SORCS2: variants seen among roughly 807,000 people sequenced by gnomAD.
SORCS2 encodes VPS10 domain-containing receptor SorCS2.
In SORCS2, 100 loss-of-function variants were observed where a neutral mutation model predicts 141.6. The ratio of observed to expected loss-of-function variants is 0.71; its 90% CI spans 0.60 to 0.83. The LOEUF (loss-of-function observed/expected upper bound fraction) is 0.83, where lower values mean the gene tolerates loss of function less well. Among genes scored for constraint, SORCS2 ranks in the 40% least tolerant of loss-of-function variants. The pLI, the probability that SORCS2 is intolerant of heterozygous loss-of-function variation, is 0.00. For synonymous variants in SORCS2, 789 were observed against 676.9 expected (o/e 1.17, Z -2.57); for missense variants, 1,646 against 1,560.2 (o/e 1.05, Z -0.93).
chr4:7,350,329 C>G (rs550151762), intron 1 of SORCS2, among the ~76,000 whole-genome samples: 1 of 152,232 alleles, frequency 6.6e-6, no homozygotes, highest in East Asian at 1.9e-4. Context: ...TCAGTTCAGT[C>G]AGGCCACCTC....
At chr4:7,458,146 G>A (rs1449149833) in intron 2 of SORCS2, among the ~76,000 whole-genome samples, 1 of 152,202 alleles carries the variant, frequency 6.6e-6, no homozygotes, top group Non-Finnish European at 1.5e-5. Flanking sequence ...CGGAAAGAGG[G>A]AAGATCTTGT....
At chr4:7,577,689 A>G (rs1002529809) in intron 3 of SORCS2, among the ~76,000 whole-genome samples, 2 of 148,264 alleles carry the variant, frequency 1.3e-5, no homozygotes, top group South Asian at 2.1e-4. Flanking sequence ...GAGGTCAGCT[A>G]GTGCCATGGT....
At chr4:7,678,031 C>T (rs1358855339) in intron 9 of SORCS2, among the ~76,000 whole-genome samples, 2 of 152,338 alleles carry the variant, frequency 1.3e-5, no homozygotes, top group Admixed American at 1.3e-4. Flanking sequence ...GTGATGCCTG[C>T]ACCACCGCAT....
intron 2 of SORCS2, among the ~76,000 whole-genome samples, chr4:7,404,638 T>C (rs1443332430): frequency 6.6e-6 from 1 of 152,186 alleles, no homozygotes; most frequent in African/African-American, 2.4e-5. Flanking sequence ...CTGTCGACCA[T>C]GTGTATGTCT....
intron 2 of SORCS2, among the ~76,000 whole-genome samples, chr4:7,500,455 C>T (rs569357678): frequency 6.6e-6 from 1 of 152,222 alleles, no homozygotes; most frequent in East Asian, 1.9e-4. Flanking sequence ...TCTGTGGGTG[C>T]TACCCACACT....
chr4:7,632,403 A>C (rs1049750467), intron 3 of SORCS2, among the ~76,000 whole-genome samples: 1 of 152,186 alleles, frequency 6.6e-6, no homozygotes, highest in African/African-American at 2.4e-5. Context: ...AATTTGGAGG[A>C]ACCACTGCCA....
At chr4:7,656,370 C>A (rs1409191775) in intron 5 of SORCS2, among the ~76,000 whole-genome samples, 1 of 151,938 alleles carries the variant, frequency 6.6e-6, no homozygotes, top group Non-Finnish European at 1.5e-5. Flanking sequence ...CCGCAGCCAT[C>A]CTGCTTTGAA....
intron 4 of SORCS2, 129 bp from the exon 5 acceptor site, chr4:7,654,005 T>C: frequency 1.2e-6 from 1 of 867,310 alleles, no homozygotes; most frequent in Non-Finnish European, 1.8e-6. Flanking sequence ...GCACAGCGCC[T>C]CCGCGTGTCC....
At chr4:7,699,666 G>A (rs1724932928) in intron 12 of SORCS2, among the ~76,000 whole-genome samples, 1 of 152,162 alleles carries the variant, frequency 6.6e-6, no homozygotes, top group Non-Finnish European at 1.5e-5. Flanking sequence ...TCAAAGGGTG[G>A]GGAATCATGC....
chr4:7,193,013 C>T lies in SORCS2; in HGVS notation c.367C>T (p.Leu123=), dbSNP rs780903785. 9.4e-6 allele frequency: 14 copies of T among 1,482,490 alleles called. No individual in the cohort carries two copies. The African/African-American group carries it at 2.0e-4, about 22-fold the overall frequency. 91.8% of individuals were successfully genotyped at this position (1,482,490 alleles called of 1,614,324 possible). Residue 123 remains leucine, a synonymous_variant, in exon 1 of 27, where the codon CTG becomes TTG. Transcript: ENST00000507866. This position sits in a 1 kb window ranked among gnomAD's most constrained non-coding sequence, Gnocchi z 4.8. ...CCGGCGCTGGGAGCGGGCGGCGCCGCTGGCCGGAGTGGCTTCGCGGGCGCA... is the reference window on the plus strand; with the variant it reads ...CCGGCGCTGGGAGCGGGCGGCGCCGTTGGCCGGAGTGGCTTCGCGGGCGCA... The part of the protein sequence containing the change: ...GYRRWERAAP[L]AGVASRAQVS...
chr4:7,580,296 A>G lies in SORCS2; in HGVS notation c.648+48667A>G, dbSNP rs140273919. 1.5e-3 allele frequency among the ~76,000 whole-genome samples: 226 copies of G among 152,328 alleles called. 1 individual carries two copies. Among genetic ancestry groups the G allele is most frequent in the African/African-American group, 5.1e-3 (214 of 41,568 alleles). ...CAGGAGTTTGAGACCAGCCTGGCCA[A>G]TGTGGTGAAACCCCATCTCTACTAA... On this transcript the variant is annotated intron_variant, in intron 3 of 26. Coordinates refer to ENST00000507866, the MANE Select transcript of SORCS2 (RefSeq NM_020777.3).
Position 7,664,265 on chromosome 4 carries a change from G to T in SORCS2, c.953-88G>T. The T allele has an allele frequency of 9.7e-7, 1 of 1,030,484 alleles. No individual in the cohort carries two copies. Among genetic ancestry groups the T allele is most frequent in the East Asian group, 2.6e-5 (1 of 38,198 alleles). 63.8% of individuals were successfully genotyped at this position (1,030,484 alleles called of 1,614,324 possible). On this transcript the variant is annotated intron_variant, in intron 6 of 26. Transcript: ENST00000507866. This position sits in a 1 kb window ranked among gnomAD's most constrained non-coding sequence, Gnocchi z 4.7. ...CATGAAGCCACACCACAGCGGTATT[G>T]GAGGAAGATGGAGTCCAGCACATGT...
intron 8 of SORCS2, among the ~76,000 whole-genome samples, chr4:7,671,869 A>G (rs926405618): frequency 6.6e-6 from 1 of 152,094 alleles, no homozygotes; most frequent in Non-Finnish European, 1.5e-5. Flanking sequence ...TAAAATTTCA[A>G]CAAACTCTAA....
At chr4:7,553,722 A>T (rs904209018) in intron 3 of SORCS2, among the ~76,000 whole-genome samples, 1 of 152,244 alleles carries the variant, frequency 6.6e-6, no homozygotes, top group Admixed American at 6.5e-5. Context: ...GAAGCCCAGC[A>T]CACATATCAA....
chr4:7,403,897 C>T (rs1724746467), intron 2 of SORCS2, among the ~76,000 whole-genome samples: 1 of 143,888 alleles, frequency 6.9e-6, no homozygotes, highest in South Asian at 2.2e-4. Flanking sequence ...GAATACTCCA[C>T]CCCCCCGTAC....
At chr4:7,632,737 C>T (rs1258828618) in intron 3 of SORCS2, among the ~76,000 whole-genome samples, 5 of 152,156 alleles carry the variant, frequency 3.3e-5, no homozygotes, top group Non-Finnish European at 4.4e-5. Flanking sequence ...ATTGGGATCA[C>T]GGTGCTGGGA....
intron 3 of SORCS2, among the ~76,000 whole-genome samples, chr4:7,630,459 T>C (rs892653493): frequency 6.6e-6 from 1 of 152,194 alleles, no homozygotes; most frequent in African/African-American, 2.4e-5. Flanking sequence ...GAAATTATTA[T>C]CTCCAATTTG....
chr4:7,654,982 G>A (rs1329282142), intron 5 of SORCS2, among the ~76,000 whole-genome samples: 1 of 152,158 alleles, frequency 6.6e-6, no homozygotes, highest in African/African-American at 2.4e-5. Flanking sequence ...GGCTTTCCTT[G>A]AGAAATGTCT....
At chr4:7,316,054 C>T (rs1179673354) in intron 1 of SORCS2, among the ~76,000 whole-genome samples, 1 of 152,152 alleles carries the variant, frequency 6.6e-6, no homozygotes, top group Non-Finnish European at 1.5e-5. Context: ...AGCTAGCTTT[C>T]CTTCCTTCCA....
Sources: gnomAD v4.1 joint callset for allele counts (sites outside exome capture counted in the v4.1 genomes callset) on GRCh38, gnomAD v4.1.1 for gene constraint, Gnocchi (gnomAD v3.1) non-coding constraint, MANE v1.5 for transcripts, NCBI Gene and HGNC (gene_info 2026-07-23, HGNC 2026-07-21) for gene names.